The following NXPE2 variants were observed in gnomAD, a reference collection of about 807,000 sequenced individuals.
NXPE2 encodes neurexophilin and PC-esterase domain family member 2, also known as NXPE family member 2.
NXPE2 carries 34 observed loss-of-function variants against 34.4 expected under a neutral mutation model. The ratio of observed to expected loss-of-function variants is 0.99; its 90% CI spans 0.75 to 1.31. The LOEUF (loss-of-function observed/expected upper bound fraction) is 1.31, where lower values mean the gene tolerates loss of function less well. Ranked by LOEUF, NXPE2 falls within the 40% of genes most tolerant of loss-of-function variation. NXPE2 has a pLI of 0.00. For missense variants in NXPE2, 649 were observed against 672.5 expected (o/e 0.97, Z 0.39); for synonymous variants, 235 against 231.3 (o/e 1.02, Z -0.15).
chr11:114,624,635 G>A, the NXPE2 span, among the ~76,000 whole-genome samples: 1 of 152,136 alleles, frequency 6.6e-6, no homozygotes, highest in South Asian at 2.1e-4. Flanking sequence ...TTACCCAGTG[G>A]ATAATAAGTA....
At chr11:114,621,815 G>T in the NXPE2 span, among the ~76,000 whole-genome samples, 135 of 152,280 alleles carry the variant, frequency 8.9e-4, 2 homozygotes, top group Middle Eastern at 0.027. Context: ...TGCCTTGTGG[G>T]TAACCACTGT....
the NXPE2 span, among the ~76,000 whole-genome samples, chr11:114,762,256 G>A: frequency 5.3e-5 from 8 of 152,084 alleles, no homozygotes; most frequent in Admixed American, 1.3e-4. Flanking sequence ...TGCTTGTCCC[G>A]GGGCTTGTCA....
At chr11:114,608,881 C>A in the NXPE2 span, among the ~76,000 whole-genome samples, 7,398 of 137,070 alleles carry the variant, frequency 0.054, 604 homozygotes, top group African/African-American at 0.18. Context: ...CCGGTGGATA[C>A]CAAGTATTGC....
the NXPE2 span, among the ~76,000 whole-genome samples, chr11:114,581,138 G>A: frequency 4.6e-5 from 7 of 152,148 alleles, no homozygotes; most frequent in African/African-American, 1.7e-4. Context: ...AGGTTTTAAT[G>A]CTGAACTTGC....
the NXPE2 span, among the ~76,000 whole-genome samples, chr11:114,725,976 A>AAAAAATAT: frequency 2.0e-5 from 2 of 101,754 alleles, no homozygotes; most frequent in East Asian, 3.6e-4. Flanking sequence ...ATAAAAAAAA[A>AAAAAATAT]ATATATATAT....
At chr11:114,776,342 C>A in the NXPE2 span, among the ~76,000 whole-genome samples, 87 of 152,388 alleles carry the variant, frequency 5.7e-4, no homozygotes, top group African/African-American at 1.8e-3. Flanking sequence ...AAGCCTGTTT[C>A]CACCGAGCTC....
chr11:114,573,416 A>G, the NXPE2 span, among the ~76,000 whole-genome samples: 2 of 152,096 alleles, frequency 1.3e-5, no homozygotes, highest in African/African-American at 4.8e-5. Flanking sequence ...TACAGAATGG[A>G]AGAATGGGTA....
the NXPE2 span, among the ~76,000 whole-genome samples, chr11:114,803,584 C>CTCTCTCTCTCT: frequency 2.1e-5 from 3 of 144,526 alleles, no homozygotes; most frequent in African/African-American, 7.7e-5. Flanking sequence ...CTCTCTCTCT[C>CTCTCTCTCTCT]TTTTTTTTTT....
chr11:114,639,325 G>A, the NXPE2 span, among the ~76,000 whole-genome samples: 25,757 of 151,998 alleles, frequency 0.17, 2,433 homozygotes, highest in African/African-American at 0.24. Flanking sequence ...TCGGAAAAGT[G>A]CAGTATTAGG....
At chr11:114,811,711 G>T in the NXPE2 span, among the ~76,000 whole-genome samples, 1 of 152,174 alleles carries the variant, frequency 6.6e-6, no homozygotes, top group Non-Finnish European at 1.5e-5. Context: ...GCAAGGACAG[G>T]ATCCAGGCAC....
chr11:114,796,036 A>G, the NXPE2 span, among the ~76,000 whole-genome samples: 192 of 152,222 alleles, frequency 1.3e-3, no homozygotes, highest in Admixed American at 4.1e-3. Context: ...TTGTAGGAGA[A>G]AGGACATAGG....
chr11:114,530,451 C>A, the NXPE2 span: 2 of 1,614,238 alleles, frequency 1.2e-6, no homozygotes, highest in African/African-American at 1.3e-5. Context: ...CGCCCCTTCA[C>A]TGGGGTGGAT....
chr11:114,515,185 G>C, the NXPE2 span, among the ~76,000 whole-genome samples: 1 of 151,734 alleles, frequency 6.6e-6, no homozygotes, highest in African/African-American at 2.4e-5. Context: ...GCTGAAGCTA[G>C]TCTTTTATTT....
intron 4 of NXPE2, among the ~76,000 whole-genome samples, chr11:114,704,575 G>A (rs933664959): frequency 2.0e-5 from 3 of 152,114 alleles, no homozygotes; most frequent in Non-Finnish European, 2.9e-5. Context: ...TCTGCTACAC[G>A]GGAAATGAAG....
the NXPE2 span, among the ~76,000 whole-genome samples, chr11:114,652,385 A>G: frequency 2.0e-5 from 3 of 152,194 alleles, no homozygotes; most frequent in Non-Finnish European, 4.4e-5. Flanking sequence ...CTAGACTGCG[A>G]TTTGTACAGT....
chr11:114,626,657 A>G, the NXPE2 span, among the ~76,000 whole-genome samples: 1 of 152,204 alleles, frequency 6.6e-6, no homozygotes, highest in African/African-American at 2.4e-5. Context: ...CAGCAACAGA[A>G]CAAAGCTGGA....
chr11:114,740,221 T>C, the NXPE2 span, among the ~76,000 whole-genome samples: 1 of 152,194 alleles, frequency 6.6e-6, no homozygotes, highest in South Asian at 2.1e-4. Context: ...TATTGTACTT[T>C]ACTCATCTAT....
At chr11:114,676,968 G>A (rs1950865369), upstream of NXPE2, among the ~76,000 whole-genome samples, 1 of 152,000 alleles carries the variant, frequency 6.6e-6, no homozygotes, top group Admixed American at 6.6e-5. Flanking sequence ...GCAACAACAT[G>A]GGTGAACCTG....
At chr11:114,798,090 T>C in the NXPE2 span, among the ~76,000 whole-genome samples, 1 of 152,174 alleles carries the variant, frequency 6.6e-6, no homozygotes, top group Admixed American at 6.5e-5. Context: ...ATATTTCCCT[T>C]ATTTATATAT....
Sources: allele counts gnomAD v4.1 joint callset (sites outside exome capture counted in the v4.1 genomes callset), GRCh38; gene constraint gnomAD v4.1.1; transcripts MANE v1.5; gene names NCBI Gene and HGNC (gene_info 2026-07-23, HGNC 2026-07-21).